Variants in FRMPD4 observed in about 807,000 individuals in gnomAD.
The protein encoded by FRMPD4 is FERM and PDZ domain-containing protein 4.
In FRMPD4, 22 loss-of-function variants were observed where a neutral mutation model predicts 94.1. The observed-to-expected ratio is 0.23, with a 90% CI of 0.17 to 0.33. FRMPD4 has a LOEUF of 0.33. FRMPD4 is among the 10% of genes least tolerant of loss of function. The probability of loss-of-function intolerance (pLI) is 1.00; values close to 1 mark genes in which losing one functional copy is unlikely to be tolerated. For missense variants in FRMPD4, 1,111 were observed against 1,339.9 expected, an observed-to-expected ratio of 0.83 and a Z score of 2.67; for synonymous variants, 631 against 548.6, an observed-to-expected ratio of 1.15 and a Z score of -2.10.
At chrX:12,086,306 C>T (rs2055110385) in intron 3 of FRMPD4, among the ~76,000 whole-genome samples, 1 of 111,848 alleles carries the variant, frequency 8.9e-6, no homozygotes, top group Non-Finnish European at 1.9e-5. Flanking sequence ...AAGGAACTTG[C>T]TTAATTTTGC....
At chrX:12,166,886 T>G (rs1473028724) in intron 1 of FRMPD4, among the ~76,000 whole-genome samples, 1 of 111,370 alleles carries the variant, frequency 9.0e-6, no homozygotes, top group Non-Finnish European at 1.9e-5. Flanking sequence ...TTCTGTGGGA[T>G]CAGTGGTGAT....
intron 1 of FRMPD4, among the ~76,000 whole-genome samples, chrX:12,454,991 T>C (rs1220256351): frequency 9.0e-6 from 1 of 110,740 alleles, no homozygotes; most frequent in African/African-American, 3.3e-5. Flanking sequence ...ATTACACACA[T>C]TATCCTATTA....
intron 3 of FRMPD4, among the ~76,000 whole-genome samples, chrX:11,927,492 A>T (rs2054095911): frequency 8.9e-6 from 1 of 111,828 alleles, no homozygotes; most frequent in African/African-American, 3.3e-5. Context: ...ACCCAACATC[A>T]AAACTGTACT....
In FRMPD4 at chrX:12,241,981, G is replaced by GGAA. The variant is rs1324988198; in HGVS notation, c.41+102985_41+102987dup. Among the ~76,000 whole-genome samples, 4 of 80,972 alleles carry GGAA rather than the reference G, an allele frequency of 4.9e-5. No homozygotes were observed. In the Admixed American group the frequency reaches 5.1e-4, roughly 10 times the overall value. 70.3% of individuals were successfully genotyped at this position (80,972 alleles called of 115,157 possible). A position where few individuals can be genotyped will look rare whatever the true frequency, so the allele number is the denominator to read the frequency against. ...AGGAGGAGGAGGAGGAAGAGGAAGAGGAAGAAGAAGAAGAAGAAAAGTAAG... is the reference window on the plus strand; with the variant it reads ...AGGAGGAGGAGGAGGAAGAGGAAGAGGAAGAAGAAGAAGAAGAAGAAAAGTAAG... On this transcript the variant is annotated intron_variant, in intron 1 of 16. Transcript: ENST00000675598.
chrX:11,826,061 C>T (rs2053442043), intron 1 of FRMPD4, among the ~76,000 whole-genome samples: 2 of 111,997 alleles, frequency 1.8e-5, no homozygotes, highest in South Asian at 7.4e-4. Context: ...AGATCATGAA[C>T]CTAAATTGCT....
At chrX:12,215,307 T>C (rs929895317) in intron 1 of FRMPD4, among the ~76,000 whole-genome samples, 3 of 111,378 alleles carry the variant, frequency 2.7e-5, no homozygotes, top group Admixed American at 9.5e-5. Flanking sequence ...ACTCTGATCT[T>C]GCCATCTTTC....
chrX:12,543,708 A>G (rs996725121), intron 2 of FRMPD4, among the ~76,000 whole-genome samples: 5 of 111,514 alleles, frequency 4.5e-5, no homozygotes, highest in African/African-American at 1.3e-4. Context: ...AACTAGAAAT[A>G]CCATTTGACC....
intron 1 of FRMPD4, among the ~76,000 whole-genome samples, chrX:12,189,086 T>C (rs1203913489): frequency 1.8e-5 from 2 of 110,820 alleles, no homozygotes; most frequent in Admixed American, 9.6e-5. Context: ...ATTACTAGTA[T>C]CAGAAATTAA....
chrX:12,721,811 C>G lies in FRMPD4; in HGVS notation c.5242C>G (p.Leu1748Val). 2 of 752,581 alleles carry G rather than the reference C, an allele frequency of 2.7e-6. No individual in the cohort carries two copies. The highest frequency in any genetic ancestry group is 3.1e-6 in the Non-Finnish European group (2 of 636,086). 62.0% of individuals were successfully genotyped at this position (752,581 alleles called of 1,213,427 possible). Reference sequence around the variant, plus strand: ...GCGACACTCAACCACCATGGCCGCTCTCGTAAGCACACTGACACGTTCTCT... The same window carrying G: ...GCGACACTCAACCACCATGGCCGCTGTCGTAAGCACACTGACACGTTCTCT... ...SARHSTTMAALVSTLTRSLKR... is the reference protein window; with the variant it reads ...SARHSTTMAAVVSTLTRSLKR... Residue 1748 changes from leucine to valine, a missense_variant, in exon 17 of 17, where the codon CTC becomes GTC. By Grantham distance (32) the Leu-to-Val change is conservative (BLOSUM62 1). Coordinates refer to ENST00000675598, the MANE Select transcript of FRMPD4 (RefSeq NM_001368397.1).
chrX:12,141,593 T>G (rs1465143996), intron 1 of FRMPD4, among the ~76,000 whole-genome samples: 1 of 111,387 alleles, frequency 9.0e-6, no homozygotes, highest in African/African-American at 3.3e-5. Context: ...AAAAAAAAAT[T>G]GCTGCCAAGT....
intron 1 of FRMPD4, among the ~76,000 whole-genome samples, chrX:12,309,215 C>T (rs2054992309): frequency 8.9e-6 from 1 of 111,736 alleles, no homozygotes; most frequent in South Asian, 3.8e-4. Flanking sequence ...TATAGTTTGC[C>T]AACCCTTGCT....
intron 1 of FRMPD4, among the ~76,000 whole-genome samples, chrX:11,839,894 T>A (rs916525823): frequency 8.1e-5 from 9 of 111,563 alleles, no homozygotes; most frequent in Non-Finnish European, 1.9e-5. Context: ...TTGAACATAA[T>A]TGAAAGGGTT....
intron 1 of FRMPD4, among the ~76,000 whole-genome samples, chrX:11,835,339 C>T (rs924936517): frequency 1.1e-4 from 12 of 112,133 alleles, no homozygotes; most frequent in African/African-American, 2.9e-4. Context: ...TTAGCTCAAA[C>T]GCATTTTTCT....
At chrX:12,456,954 C>G (rs1371485846) in intron 1 of FRMPD4, among the ~76,000 whole-genome samples, 1 of 112,170 alleles carries the variant, frequency 8.9e-6, no homozygotes, top group Non-Finnish European at 1.9e-5. Context: ...TTTGCTGGTG[C>G]TGATTTTGAC....
At chrX:11,824,094 T>C (rs1312236477) in intron 1 of FRMPD4, among the ~76,000 whole-genome samples, 1 of 111,885 alleles carries the variant, frequency 8.9e-6, no homozygotes, top group Non-Finnish European at 1.9e-5. Flanking sequence ...GCTCCACTAT[T>C]CTTTCGTCTT....
chrX:12,125,951 TG>T (rs2055496357), intron 3 of FRMPD4, among the ~76,000 whole-genome samples: 1 of 111,935 alleles, frequency 8.9e-6, no homozygotes, highest in African/African-American at 3.3e-5. Flanking sequence ...TCTTACCTTC[TG>T]TTTTATTCTA....
chrX:12,024,773 G>A (rs980303438), intron 3 of FRMPD4, among the ~76,000 whole-genome samples: 14 of 111,849 alleles, frequency 1.3e-4, no homozygotes, highest in Admixed American at 1.1e-3. Flanking sequence ...TAGCTTTTAA[G>A]CTTTTAAGTA....
At chrX:12,701,722 C>T in intron 9 of FRMPD4, 152 bp from the exon 10 acceptor site, 1 of 504,644 alleles carries the variant, frequency 2.0e-6, no homozygotes, top group Non-Finnish European at 3.2e-6. Flanking sequence ...GACTCGTTTC[C>T]AAGCAGCACG....
At chrX:11,974,001 T>A (rs977603658) in intron 3 of FRMPD4, among the ~76,000 whole-genome samples, 1 of 111,356 alleles carries the variant, frequency 9.0e-6, no homozygotes, top group Non-Finnish European at 1.9e-5. Context: ...AGTCTGAGAG[T>A]CAGGCTTGAC....
Sources: gnomAD v4.1 joint callset for allele counts (sites outside exome capture counted in the v4.1 genomes callset) on GRCh38, gnomAD v4.1.1 for gene constraint, MANE v1.5 for transcripts, NCBI Gene and HGNC (gene_info 2026-07-23, HGNC 2026-07-21) for gene names.